Variants in EVL observed in about 807,000 individuals in gnomAD.
EVL encodes ena/VASP-like protein.
EVL carries 21 observed loss-of-function variants against 59.6 expected under a neutral mutation model. The observed-to-expected ratio is 0.35, with a 90% CI of 0.25 to 0.51. The LOEUF (loss-of-function observed/expected upper bound fraction) is 0.51. EVL is among the 20% of genes least tolerant of loss of function. The pLI is 0.97. For missense variants in EVL, 462 were observed against 546.6 expected (o/e 0.85, Z 1.54); for synonymous variants, 198 against 203.5 (o/e 0.97, Z 0.23).
chr14:100,088,324 A>G (rs1423426893), intron 2 of EVL, among the ~76,000 whole-genome samples: 1 of 151,940 alleles, frequency 6.6e-6, no homozygotes, highest in Non-Finnish European at 1.5e-5. Flanking sequence ...TTTGTAGAGG[A>G]CTCTTGACTC....
At chr14:100,070,225 A>C (rs1743624) in intron 1 of EVL, among the ~76,000 whole-genome samples, 98,727 of 151,506 alleles carry the variant, frequency 0.65, 34,591 homozygotes, top group Non-Finnish European at 0.77. Context: ...CTGTGATCAC[A>C]CTACTGCACT....
At chr14:100,009,420 A>G (rs1356525598) in intron 1 of EVL, among the ~76,000 whole-genome samples, 1 of 152,242 alleles carries the variant, frequency 6.6e-6, no homozygotes, top group East Asian at 1.9e-4. Flanking sequence ...TGAAGCCCTC[A>G]CTGGACTAGT....
chr14:100,001,320 A>C (rs1041291804), intron 1 of EVL, among the ~76,000 whole-genome samples: 1 of 152,230 alleles, frequency 6.6e-6, no homozygotes, highest in Non-Finnish European at 1.5e-5. Context: ...TTGGAAACTT[A>C]TAGCCAGGAA....
In EVL at chr14:100,047,114, C is replaced by CTTTTTTTTTTTTTTTTTTT. The variant is rs1379774654; in HGVS notation, c.6-37572_6-37571insTTTTTTTTTTTTTTTTTTT. Among the ~76,000 whole-genome samples the CTTTTTTTTTTTTTTTTTTT allele has an allele frequency of 4.5e-3, 424 of 95,100 alleles. 133 individuals are homozygous for CTTTTTTTTTTTTTTTTTTT. Among genetic ancestry groups the CTTTTTTTTTTTTTTTTTTT allele is most frequent in the East Asian group, 9.5e-3 (26 of 2,730 alleles). 62.4% of individuals were successfully genotyped at this position (95,100 alleles called of 152,430 possible). Reference sequence around the variant, plus strand: ...ATTTTGAGACCTTGGGCAGATCTCTCTCTCTTTTTTTTTTTTTTTTTTTTT... The same window carrying CTTTTTTTTTTTTTTTTTTT: ...ATTTTGAGACCTTGGGCAGATCTCTCTTTTTTTTTTTTTTTTTTTTCTCTTTTTTTTTTTTTTTTTTTTT... On this transcript the variant is annotated intron_variant, in intron 1 of 13. Coordinates refer to the EVL transcript ENST00000402714.
rs1566735089 is a variant in EVL, at chr14:100,141,161, C to CA, written c.1095-18dup. The stretch of plus-strand genomic sequence containing the variant: ...CACCTGTCTCCAGCCAGGGCACCCA[C>CA]AGGCCCTTTCTCTCCCAGGATGAAG... On this transcript the variant is annotated intron_variant, in intron 11 of 13. Transcript: ENST00000392920. The CA allele has an allele frequency of 1.2e-6, 2 of 1,613,042 alleles. No individual in the cohort carries two copies. The highest frequency in any genetic ancestry group is 1.7e-5 in the Admixed American group (1 of 59,952).
chr14:100,124,548 A>G (rs957214191), intron 4 of EVL, among the ~76,000 whole-genome samples: 1 of 152,146 alleles, frequency 6.6e-6, no homozygotes, highest in African/African-American at 2.4e-5. Context: ...TGTTGTCCCC[A>G]TGAGCCAGCT....
At chr14:100,086,229 C>T (rs1406903982) in intron 2 of EVL, among the ~76,000 whole-genome samples, 1 of 152,194 alleles carries the variant, frequency 6.6e-6, no homozygotes, top group African/African-American at 2.4e-5. Context: ...TTTCTAGAAA[C>T]CTTCTAGAAG....
At chr14:100,060,131 T>C (rs1165174181) in intron 1 of EVL, among the ~76,000 whole-genome samples, 1 of 152,054 alleles carries the variant, frequency 6.6e-6, no homozygotes, top group African/African-American at 2.4e-5. Context: ...AAATGGAAAT[T>C]ATAAAAAACT....
intron 1 of EVL, among the ~76,000 whole-genome samples, chr14:100,051,762 A>G (rs1181201608): frequency 6.6e-6 from 1 of 152,190 alleles, no homozygotes; most frequent in Non-Finnish European, 1.5e-5. Context: ...TCCTGGGGAT[A>G]AATTGGCGAG....
intron 8 of EVL, 139 bp downstream of exon 8, chr14:100,132,918 G>A: frequency 1.1e-6 from 1 of 921,126 alleles, no homozygotes; most frequent in Non-Finnish European, 1.7e-6. Context: ...GAGGGGCGGA[G>A]GGTCTCTGCG....
intron 3 of EVL, among the ~76,000 whole-genome samples, chr14:100,116,417 CA>C (rs1232268938): frequency 6.6e-6 from 1 of 152,214 alleles, no homozygotes; most frequent in Non-Finnish European, 1.5e-5. Flanking sequence ...TCTATCTTTT[CA>C]GGAGCCCCAG....
chr14:100,142,040 G>A, intron 13 of EVL: 2 of 390,330 alleles, frequency 5.1e-6, no homozygotes, highest in African/African-American at 2.0e-5. Flanking sequence ...CCACATCCCC[G>A]GCACCTTCCT....
At chr14:100,113,081 C>T (rs1887106235) in intron 3 of EVL, among the ~76,000 whole-genome samples, 1 of 152,140 alleles carries the variant, frequency 6.6e-6, no homozygotes, top group African/African-American at 2.4e-5. Flanking sequence ...CTGGGAGAGC[C>T]CTGGGGGCGG....
chr14:100,137,244 G>A lies in EVL; in HGVS notation c.965-334G>A, dbSNP rs528087634. The A allele has an allele frequency of 2.1e-4, 75 of 364,388 alleles. No individual in the cohort carries two copies. The Admixed American group carries it at 2.8e-3, about 14-fold the overall frequency. 22.6% of individuals were successfully genotyped at this position (364,388 alleles called of 1,614,324 possible). A position where few individuals can be genotyped will look rare whatever the true frequency, so the allele number is the denominator to read the frequency against. On this transcript the variant is annotated intron_variant, in intron 9 of 13. Transcript: ENST00000392920. ...GGGGCCTGGCCGCCACACCACACGT[G>A]GGAGCAAGGCTGTGCTGGGATGTCC...
At chr14:100,067,424 G>A (rs1438749572) in intron 1 of EVL, among the ~76,000 whole-genome samples, 2 of 152,238 alleles carry the variant, frequency 1.3e-5, no homozygotes, top group East Asian at 3.8e-4. Flanking sequence ...ACAACGTACA[G>A]AATGCTTTCA....
chr14:100,112,998 C>T (rs532742763), intron 3 of EVL, among the ~76,000 whole-genome samples: 1 of 152,214 alleles, frequency 6.6e-6, no homozygotes, highest in Non-Finnish European at 1.5e-5. Context: ...CTTGTCAATA[C>T]AGTGTATGTT....
intron 1 of EVL, among the ~76,000 whole-genome samples, chr14:99,987,628 G>A (rs1264516884): frequency 6.6e-6 from 1 of 152,188 alleles, no homozygotes; most frequent in Non-Finnish European, 1.5e-5. Context: ...TGTGACAGGA[G>A]CGAGACTCTA....
chr14:100,137,808 G>C lies in EVL; in HGVS notation c.1094+6G>C, dbSNP rs750203424. The C allele has an allele frequency of 6.2e-7, 1 of 1,613,934 alleles. No homozygotes were observed. ...CAGTCGCAGCCTCACTCTAGGTACCGAACAACCCTCCTGCTCACATGTCCC... is the reference window on the plus strand; with the variant it reads ...CAGTCGCAGCCTCACTCTAGGTACCCAACAACCCTCCTGCTCACATGTCCC... On this transcript the variant is annotated splice_donor_region_variant and intron_variant, in intron 11 of 13. Transcript: ENST00000392920.
intron 1 of EVL, among the ~76,000 whole-genome samples, chr14:99,994,548 T>C (rs1395526982): frequency 6.6e-6 from 1 of 152,178 alleles, no homozygotes; most frequent in Non-Finnish European, 1.5e-5. Flanking sequence ...AAAACTCTAC[T>C]CCTTTACATC....
Sources: gnomAD v4.1 joint callset for allele counts (sites outside exome capture counted in the v4.1 genomes callset) on GRCh38, gnomAD v4.1.1 for gene constraint, MANE v1.5 for transcripts, NCBI Gene and HGNC (gene_info 2026-07-23, HGNC 2026-07-21) for gene names.